Variants in ERC2 observed in about 807,000 individuals in gnomAD.
The protein encoded by ERC2 is ERC protein 2.
In ERC2, 42 loss-of-function variants were observed where a neutral mutation model predicts 114.8. The observed-to-expected ratio is 0.37, with a 90% confidence interval of 0.29 to 0.47. ERC2 has a LOEUF of 0.47. ERC2 is among the 20% of genes least tolerant of loss of function. The pLI, the probability that ERC2 is intolerant of heterozygous loss-of-function variation, is 0.99. For synonymous variants in ERC2, 454 were observed against 425.5 expected (o/e 1.07, Z -0.82); for missense variants, 939 against 1,150.7 (o/e 0.82, Z 2.66).
intron 7 of ERC2, among the ~76,000 whole-genome samples, chr3:56,073,680 G>C (rs1343656188): frequency 6.6e-6 from 1 of 152,182 alleles, no homozygotes; most frequent in Non-Finnish European, 1.5e-5. Flanking sequence ...CTCTGGACTT[G>C]GCAAGGAATG....
chr3:55,622,569 T>C (rs531920528), intron 17 of ERC2, among the ~76,000 whole-genome samples: 1 of 152,204 alleles, frequency 6.6e-6, no homozygotes, highest in African/African-American at 2.4e-5. Flanking sequence ...TTCTTCAAAT[T>C]AGCAGCTTAA....
chr3:56,380,040 T>C (rs1180436207), intron 2 of ERC2, among the ~76,000 whole-genome samples: 1 of 151,976 alleles, frequency 6.6e-6, no homozygotes, highest in East Asian at 1.9e-4. Flanking sequence ...CCGGGCCCCC[T>C]CACTAAATAT....
chr3:55,796,878 C>G (rs984970099), intron 14 of ERC2, among the ~76,000 whole-genome samples: 1 of 152,180 alleles, frequency 6.6e-6, no homozygotes, highest in Non-Finnish European at 1.5e-5. Flanking sequence ...AAACAGTAAA[C>G]TTCAATAACT....
intron 15 of ERC2, among the ~76,000 whole-genome samples, chr3:55,712,933 C>A (rs769206004): frequency 3.3e-5 from 5 of 152,140 alleles, no homozygotes; most frequent in African/African-American, 1.2e-4. Context: ...TTGAATAAAG[C>A]CTGAAACTAA....
chr3:55,952,176 C>CTATATATATATAT lies in ERC2; in HGVS notation c.2268-1617_2268-1616insATATATATATATA, dbSNP rs1324752720. The stretch of plus-strand genomic sequence containing the variant: ...ACACACACACACACACACACACACA[C>CTATATATATATAT]ACACTCTCTCTCTCTCTCTCTCTAT... On this transcript the variant is annotated intron_variant, in intron 12 of 17. Transcript: ENST00000288221. 2.0e-4 allele frequency among the ~76,000 whole-genome samples: 9 copies of CTATATATATATAT among 44,994 alleles called. 1 individual carries two copies. The highest frequency in any genetic ancestry group is 1.5e-3 in the South Asian group (2 of 1,356). 29.5% of individuals were successfully genotyped at this position (44,994 alleles called of 152,430 possible).
intron 3 of ERC2, among the ~76,000 whole-genome samples, chr3:56,272,166 C>T (rs1420492653): frequency 6.6e-6 from 1 of 152,098 alleles, no homozygotes; most frequent in Non-Finnish European, 1.5e-5. Context: ...ACATCACCAC[C>T]AAAATAAAAA....
At chr3:56,313,029 T>TATATATATATATATATATAG (rs2056678385) in intron 2 of ERC2, among the ~76,000 whole-genome samples, 1 of 131,868 alleles carries the variant, frequency 7.6e-6, no homozygotes, top group Non-Finnish European at 1.6e-5. Flanking sequence ...TATATATATA[T>TATATATATATATATATATAG]ATATATATGG....
intron 17 of ERC2, among the ~76,000 whole-genome samples, chr3:55,529,267 A>G (rs971330863): frequency 6.6e-6 from 1 of 152,220 alleles, no homozygotes; most frequent in African/African-American, 2.4e-5. Flanking sequence ...CCACATTCTG[A>G]ACCCAAGACA....
chr3:56,444,064 G>A (rs1245369318), intron 1 of ERC2, among the ~76,000 whole-genome samples: 3 of 149,476 alleles, frequency 2.0e-5, no homozygotes, highest in African/African-American at 7.4e-5. Flanking sequence ...CCGGGTTCAC[G>A]CCATTCTCCT....
chr3:55,888,316 C>G (rs1048076664), intron 14 of ERC2, 73 bp downstream of exon 14: 1 of 1,553,304 alleles, frequency 6.4e-7, no homozygotes, highest in African/African-American at 1.4e-5. Flanking sequence ...TTCATCTTCT[C>G]TAGCCCTTCC....
At chr3:56,011,530 C>T (rs2072936655) in intron 8 of ERC2, among the ~76,000 whole-genome samples, 1 of 152,092 alleles carries the variant, frequency 6.6e-6, no homozygotes, top group Admixed American at 6.6e-5. Context: ...GACTTTCACA[C>T]TGAAATGAAA....
intron 14 of ERC2, among the ~76,000 whole-genome samples, chr3:55,743,798 C>T (rs1298592605): frequency 2.0e-5 from 3 of 152,026 alleles, no homozygotes; most frequent in Non-Finnish European, 4.4e-5. Context: ...AACCTTTTGA[C>T]TGTGGCCCTG....
chr3:56,061,352 C>T (rs1374765191), intron 7 of ERC2, among the ~76,000 whole-genome samples: 9 of 152,120 alleles, frequency 5.9e-5, no homozygotes, highest in Admixed American at 4.6e-4. Flanking sequence ...GTAAGCATTT[C>T]GAATGTGATT....
At chr3:55,818,945 G>T (rs1182035894) in intron 14 of ERC2, among the ~76,000 whole-genome samples, 1 of 152,156 alleles carries the variant, frequency 6.6e-6, no homozygotes, top group African/African-American at 2.4e-5. Flanking sequence ...TGGGCACATA[G>T]GAAGGAACAA....
rs544214671 is a variant in ERC2 at position 56,147,556 on chromosome 3, G to T, written c.1305+1421C>A. On this transcript the variant is annotated intron_variant, in intron 5 of 17. Transcript: ENST00000288221. ...CCCTATAATTTGCAAACTCAGCAAGGAGTATGCACATATTTCACAACTGAT... is the reference window on the plus strand; with the variant it reads ...CCCTATAATTTGCAAACTCAGCAAGTAGTATGCACATATTTCACAACTGAT... Among the ~76,000 whole-genome samples the T allele has an allele frequency of 2.0e-5, 3 of 152,238 alleles. No homozygotes were observed. In the East Asian group the frequency reaches 5.8e-4, roughly 29 times the overall value.
Position 56,161,800 on chromosome 3 carries a change from G to A in ERC2, c.1149+11646C>T, listed in dbSNP as rs1286794432. On this transcript the variant is annotated intron_variant, in intron 4 of 17. Coordinates refer to ENST00000288221, the MANE Select transcript of ERC2 (RefSeq NM_015576.3). ...CAGAAGTCTTTTGGCAGTCGTTAGG[G>A]TTTTCTAGGTATAGAATCATACCGT... Among the ~76,000 whole-genome samples, 9 of 152,106 alleles carry A rather than the reference G, an allele frequency of 5.9e-5. 1 individual carries two copies. The highest frequency in any genetic ancestry group is 4.8e-5 in the African/African-American group (2 of 41,422).
chr3:56,006,008 A>C (rs1398786173), intron 10 of ERC2, among the ~76,000 whole-genome samples: 1 of 152,062 alleles, frequency 6.6e-6, no homozygotes, highest in Non-Finnish European at 1.5e-5. Flanking sequence ...GCTTAACTAA[A>C]TATTGCTTGA....
chr3:56,106,711 CTT>C (rs1179214015), intron 6 of ERC2, among the ~76,000 whole-genome samples: 4 of 152,094 alleles, frequency 2.6e-5, no homozygotes, highest in African/African-American at 9.7e-5. Flanking sequence ...CTGGGGTGTT[CTT>C]TGAAAATGGG....
intron 14 of ERC2, among the ~76,000 whole-genome samples, chr3:55,877,128 G>C (rs2149295864): frequency 6.6e-6 from 1 of 152,280 alleles, no homozygotes; most frequent in East Asian, 1.9e-4. Flanking sequence ...CAGTACCACT[G>C]GTATTTTGGG....
Sources: allele counts gnomAD v4.1 joint callset (sites outside exome capture counted in the v4.1 genomes callset), GRCh38; gene constraint gnomAD v4.1.1; transcripts MANE v1.5; gene names NCBI Gene and HGNC (gene_info 2026-07-23, HGNC 2026-07-21).